The following DNAAF9 variants were observed in gnomAD, a reference collection of about 807,000 sequenced individuals.
DNAAF9 encodes the protein dynein axonemal assembly factor 9.
DNAAF9 carries 90 observed loss-of-function variants against 167.0 expected under a neutral mutation model. The ratio of observed to expected loss-of-function variants is 0.54; its 90% CI spans 0.45 to 0.64. The LOEUF (loss-of-function observed/expected upper bound fraction) is 0.64. Among genes scored for constraint, DNAAF9 ranks in the 30% least tolerant of loss-of-function variants. The pLI is 0.00. For synonymous variants in DNAAF9, 491 were observed against 508.8 expected, an observed-to-expected ratio of 0.96 and a Z score of 0.47; for missense variants, 1,315 against 1,442.2, an observed-to-expected ratio of 0.91 and a Z score of 1.43.
At chr20:3,394,999 G>T (rs1311087843) in intron 1 of DNAAF9, among the ~76,000 whole-genome samples, 1 of 99,798 alleles carries the variant, frequency 1.0e-5, no homozygotes, top group Non-Finnish European at 1.9e-5. Flanking sequence ...ACGGAGTTTC[G>T]CTCTGTCGCC....
chr20:3,393,208 C>T (rs1324363965), intron 1 of DNAAF9, among the ~76,000 whole-genome samples: 3 of 152,064 alleles, frequency 2.0e-5, no homozygotes, highest in East Asian at 3.8e-4. Context: ...GACAGTGTCT[C>T]GCTCTGTTGC....
chr20:3,397,719 TG>T (rs11087582), intron 1 of DNAAF9, among the ~76,000 whole-genome samples: 64,677 of 147,124 alleles, frequency 0.44, 13,954 homozygotes, highest in Middle Eastern at 0.56. Context: ...AGATTTTTTT[TG>T]GGGGGGGGGA....
chr20:3,287,121 T>C (rs556703482), intron 27 of DNAAF9, among the ~76,000 whole-genome samples: 1 of 152,300 alleles, frequency 6.6e-6, no homozygotes, highest in South Asian at 2.1e-4. Flanking sequence ...AGTCAGCCTA[T>C]AATCATAGTT....
intron 29 of DNAAF9, among the ~76,000 whole-genome samples, chr20:3,271,875 T>G (rs2068600132): frequency 6.6e-6 from 1 of 152,102 alleles, no homozygotes; most frequent in Non-Finnish European, 1.5e-5. Flanking sequence ...TGCCTCGGCC[T>G]CCCAAAGTGC....
chr20:3,349,192 C>CAAAAAAAAAAAAA (rs148023287), intron 7 of DNAAF9, among the ~76,000 whole-genome samples: 2 of 39,108 alleles, frequency 5.1e-5, no homozygotes, highest in African/African-American at 1.2e-4. Flanking sequence ...TCGTCTCTAC[C>CAAAAAAAAAAAAA]AAAAAAAAAA....
intron 22 of DNAAF9, among the ~76,000 whole-genome samples, chr20:3,297,540 T>C (rs953336850): frequency 6.6e-6 from 1 of 152,206 alleles, no homozygotes; most frequent in Non-Finnish European, 1.5e-5. Flanking sequence ...GGCCATCAGT[T>C]TGGCTTTGGC....
chr20:3,391,151 G>A (rs2083820669), intron 1 of DNAAF9, among the ~76,000 whole-genome samples: 1 of 152,152 alleles, frequency 6.6e-6, no homozygotes, highest in African/African-American at 2.4e-5. Context: ...GATAAACACT[G>A]TCCTAATTAG....
intron 8 of DNAAF9, among the ~76,000 whole-genome samples, chr20:3,347,327 GA>G (rs2070211701): frequency 6.6e-6 from 1 of 152,048 alleles, no homozygotes; most frequent in Admixed American, 6.6e-5. Context: ...GCGAAATAAA[GA>G]TTTTTTTTCC....
intron 11 of DNAAF9, among the ~76,000 whole-genome samples, chr20:3,331,529 G>A (rs1403096020): frequency 6.6e-6 from 1 of 152,168 alleles, no homozygotes; most frequent in Non-Finnish European, 1.5e-5. Context: ...GCCCCAGCAA[G>A]CCTAGCCTTT....
At chr20:3,304,873 A>G (rs1414329202) in intron 20 of DNAAF9, among the ~76,000 whole-genome samples, 1 of 152,240 alleles carries the variant, frequency 6.6e-6, no homozygotes, top group Non-Finnish European at 1.5e-5. Context: ...TATCTGCTCC[A>G]TTACTGAGTT....
intron 1 of DNAAF9, among the ~76,000 whole-genome samples, chr20:3,390,785 C>T (rs187279200): frequency 2.0e-5 from 3 of 152,296 alleles, no homozygotes; most frequent in African/African-American, 7.2e-5. Context: ...GTCAGAAAAA[C>T]TTTTTCTGGG....
intron 21 of DNAAF9, among the ~76,000 whole-genome samples, chr20:3,303,978 T>C (rs1238354208): frequency 6.6e-6 from 1 of 152,152 alleles, no homozygotes; most frequent in East Asian, 1.9e-4. Flanking sequence ...AAGTGAGCCA[T>C]TTCTCTCCCT....
At chr20:3,387,312 G>A (rs980669578) in intron 1 of DNAAF9, among the ~76,000 whole-genome samples, 1 of 152,122 alleles carries the variant, frequency 6.6e-6, no homozygotes, top group African/African-American at 2.4e-5. Context: ...CAGATATACA[G>A]ACCAATGAAA....
chr20:3,330,597 A>T, intron 12 of DNAAF9, 49 bp downstream of exon 12: 1 of 1,137,240 alleles, frequency 8.8e-7, no homozygotes, highest in Non-Finnish European at 1.3e-6. Flanking sequence ...GACAGTCACA[A>T]CTGAGTAACT....
intron 20 of DNAAF9, among the ~76,000 whole-genome samples, chr20:3,314,247 G>C (rs1200474011): frequency 2.6e-5 from 4 of 152,112 alleles, no homozygotes; most frequent in Admixed American, 6.5e-5. Context: ...TTGAACTGTA[G>C]CCATAATGGG....
At position 3,407,642 on chromosome 20, in the gene DNAAF9, C is replaced by G; in HGVS notation, c.-85G>C. 1.7e-6 allele frequency: 2 copies of G among 1,150,914 alleles called. No homozygotes were observed. Among genetic ancestry groups the G allele is most frequent in the Non-Finnish European group, 2.1e-6 (2 of 935,604 alleles). The allele number at this position is 1,150,914 out of a possible 1,614,324, so 71.3% of individuals were successfully genotyped here. A position where few individuals can be genotyped will look rare whatever the true frequency, so the allele number is the denominator to read the frequency against. ...CAGGGCGGCTCCACGCTAGCTGCGG[C>G]CGGGCGGGGCGGCAGGGCGTGCCGG... On this transcript the variant is annotated 5_prime_UTR_variant, in exon 1 of 37. Coordinates refer to ENST00000252032, the MANE Select transcript of DNAAF9 (RefSeq NM_001009984.3).
rs1181730844 is a variant in DNAAF9 at position 3,395,250 on chromosome 20, C to T, written c.83+12225G>A. ...CCTCCCAAAGTGCTGGGATTACAGG[C>T]GTGAGCCACCGCGCCTGGCCGAACA... is the stretch of plus-strand genomic sequence containing the variant. On this transcript the variant is annotated intron_variant, in intron 1 of 36. Coordinates refer to ENST00000252032, the MANE Select transcript of DNAAF9 (RefSeq NM_001009984.3). 2.2e-5 allele frequency among the ~76,000 whole-genome samples: 3 copies of T among 138,490 alleles called. 1 individual carries two copies. The highest frequency in any genetic ancestry group is 4.3e-4 in the South Asian group (2 of 4,636). The allele number at this position is 138,490 out of a possible 152,430, so 90.9% of individuals were successfully genotyped here.
intron 26 of DNAAF9, among the ~76,000 whole-genome samples, chr20:3,288,117 A>G (rs2068883252): frequency 1.3e-5 from 2 of 152,262 alleles, no homozygotes; most frequent in Non-Finnish European, 1.5e-5. Flanking sequence ...AGGACCATGC[A>G]AAAGATGGCT....
At chr20:3,324,776 A>G (rs1439365982) in intron 14 of DNAAF9, 116 bp downstream of exon 14, 2 of 678,482 alleles carry the variant, frequency 2.9e-6, no homozygotes, top group East Asian at 2.5e-5. Context: ...CACACATCCC[A>G]TTATTTTACT....
Sources: allele counts gnomAD v4.1 joint callset (sites outside exome capture counted in the v4.1 genomes callset), GRCh38; gene constraint gnomAD v4.1.1; transcripts MANE v1.5; gene names NCBI Gene and HGNC (gene_info 2026-07-23, HGNC 2026-07-21).